TTC34: variants seen among roughly 807,000 people sequenced by gnomAD.
TTC34 encodes tetratricopeptide repeat protein 34.
A neutral mutation model predicts 40.7 loss-of-function variants in TTC34; 44 were observed. The observed-to-expected ratio is 1.08, with a 90% CI of 0.85 to 1.39. TTC34 has a LOEUF of 1.39. Among genes scored for constraint, TTC34 ranks in the 40% most tolerant of loss-of-function variants. TTC34 has a pLI of 0.00. For missense variants in TTC34, 884 were observed against 838.0 expected (o/e 1.05, Z -0.68); for synonymous variants, 422 against 398.6 (o/e 1.06, Z -0.70).
chr1:2,752,966 C>T (rs1405411762), intron 6 of TTC34, among the ~76,000 whole-genome samples: 8 of 127,824 alleles, frequency 6.3e-5, no homozygotes, highest in Non-Finnish European at 4.9e-5. Flanking sequence ...CCTGGAGCAA[C>T]ACCCATACCC....
intron 6 of TTC34, among the ~76,000 whole-genome samples, chr1:2,654,670 ACCGCAAGGAATGG>A (rs1639277170): frequency 6.7e-6 from 1 of 148,266 alleles, no homozygotes; most frequent in Non-Finnish European, 1.5e-5. Context: ...TGAGTATCTG[ACCGCAAGGAATGG>A]CATCCTCACC....
At chr1:2,651,702 T>A (rs1030906208) in intron 6 of TTC34, among the ~76,000 whole-genome samples, 6 of 151,586 alleles carry the variant, frequency 4.0e-5, no homozygotes, top group Non-Finnish European at 5.9e-5. Flanking sequence ...TCTGAAACCC[T>A]ACAGCACCAC....
At chr1:2,687,420 C>G (rs1312272919) in intron 6 of TTC34, among the ~76,000 whole-genome samples, 7 of 150,198 alleles carry the variant, frequency 4.7e-5, no homozygotes, top group East Asian at 1.9e-4. Flanking sequence ...AGGTGAGCAT[C>G]TGATGGTCTG....
chr1:2,685,787 CA>C (rs1640308936), intron 6 of TTC34, among the ~76,000 whole-genome samples: 8 of 64,434 alleles, frequency 1.2e-4, no homozygotes, highest in African/African-American at 4.5e-4. Context: ...CAGCCTGGAA[CA>C]GAACCCACAC....
intron 6 of TTC34, among the ~76,000 whole-genome samples, chr1:2,647,131 G>A (rs1381610809): frequency 2.6e-5 from 4 of 151,926 alleles, no homozygotes; most frequent in African/African-American, 9.7e-5. Context: ...CTTCTTAGGG[G>A]TGGTTCTCTT....
chr1:2,783,318 C>T (rs1354714757), intron 6 of TTC34, among the ~76,000 whole-genome samples: 1 of 152,234 alleles, frequency 6.6e-6, no homozygotes, highest in South Asian at 2.1e-4. Context: ...CCTGCATGCA[C>T]TGAGCATTAT....
At chr1:2,759,596 C>A (rs1191862090) in intron 6 of TTC34, among the ~76,000 whole-genome samples, 107 of 151,412 alleles carry the variant, frequency 7.1e-4, no homozygotes, top group African/African-American at 2.2e-3. Flanking sequence ...ACAGCACCCA[C>A]ACCGCCAGGC....
chr1:2,687,995 C>G (rs113588104), intron 6 of TTC34, among the ~76,000 whole-genome samples: 3 of 94,550 alleles, frequency 3.2e-5, no homozygotes, highest in Admixed American at 2.5e-4. Flanking sequence ...CAGCCTGGAA[C>G]AGGACCCACA....
chr1:2,778,335 A>G (rs1439555065), intron 6 of TTC34, among the ~76,000 whole-genome samples: 20 of 152,176 alleles, frequency 1.3e-4, no homozygotes, highest in Admixed American at 1.3e-3. Flanking sequence ...AAGTGCCCTC[A>G]TCTCTGGCAG....
rs79272086 is a variant in TTC34, at chr1:2,645,841, G to A, written c.2227-278C>T. Among the ~76,000 whole-genome samples the A allele has an allele frequency of 0.026, 3,901 of 152,206 alleles. 170 individuals carry two copies. The highest frequency in any genetic ancestry group is 0.089 in the African/African-American group (3,694 of 41,490). Reference sequence around the variant, plus strand: ...CAGAACCCCTTTTCTGAGGCCAAACGCTGCTAATTTCCATCTCCTGAGGCT... The same window carrying A: ...CAGAACCCCTTTTCTGAGGCCAAACACTGCTAATTTCCATCTCCTGAGGCT... On this transcript the variant is annotated intron_variant, in intron 6 of 8. Coordinates refer to ENST00000401095, the Ensembl canonical transcript of TTC34. This position sits in a 1 kb window ranked among gnomAD's most constrained non-coding sequence, Gnocchi z 4.7.
At chr1:2,642,503 T>C (rs1638927808) in intron 8 of TTC34, among the ~76,000 whole-genome samples, 2 of 152,116 alleles carry the variant, frequency 1.3e-5, no homozygotes, top group African/African-American at 2.4e-5. Context: ...CAGGCCTGCC[T>C]GCCCCCCCCA....
At chr1:2,638,675 C>T (rs1638837108) in exon 9 of TTC34, 1 of 152,284 alleles carries the variant, frequency 6.6e-6, no homozygotes, top group Non-Finnish European at 1.5e-5. Flanking sequence ...CCAGGCGGGA[C>T]ACCCAGGCCT....
intron 6 of TTC34, among the ~76,000 whole-genome samples, chr1:2,683,352 C>T (rs1280230880): frequency 6.8e-6 from 1 of 147,868 alleles, no homozygotes. Context: ...CACCCTGCAC[C>T]CCCAGGTGAG....
chr1:2,695,029 T>TTCCCCCCCAGGTGAGCATCTGACA (rs1640796350), intron 6 of TTC34, among the ~76,000 whole-genome samples: 2 of 149,870 alleles, frequency 1.3e-5, no homozygotes, highest in Non-Finnish European at 3.0e-5. Flanking sequence ...AACAGCACCC[T>TTCCCCCCCAGGTGAGCATCTGACA]GCACCCCCAG....
At chr1:2,688,342 A>C (rs1156351354) in intron 6 of TTC34, among the ~76,000 whole-genome samples, 1 of 135,670 alleles carries the variant, frequency 7.4e-6, no homozygotes, top group African/African-American at 3.1e-5. Context: ...CCAGGTGAGC[A>C]TCGGACAGCC....
At chr1:2,790,274 A>C (rs1224433738) in exon 3 of TTC34, 1 of 398,206 alleles carries the variant, frequency 2.5e-6, no homozygotes, top group Admixed American at 4.4e-5. Flanking sequence ...GTTCCAAAAC[A>C]CGTCCTGGGC....
intron 6 of TTC34, among the ~76,000 whole-genome samples, chr1:2,682,141 C>T (rs1640109749): frequency 1.3e-5 from 2 of 149,148 alleles, no homozygotes; most frequent in African/African-American, 4.9e-5. Flanking sequence ...GGAACAGCAC[C>T]CTGCACCCCC....
chr1:2,649,766 G>A (rs1279709430), intron 6 of TTC34, among the ~76,000 whole-genome samples: 2 of 152,078 alleles, frequency 1.3e-5, no homozygotes, highest in African/African-American at 4.8e-5. Context: ...CACCCACCTC[G>A]GCCTCCCAAA....
intron 6 of TTC34, among the ~76,000 whole-genome samples, chr1:2,656,375 C>T (rs1557589979): frequency 2.7e-3 from 4 of 1,498 alleles, no homozygotes; most frequent in Admixed American, 6.9e-3. Context: ...AGCACCCACA[C>T]CCACAGGTGA....
Sources: allele counts gnomAD v4.1 joint callset (sites outside exome capture counted in the v4.1 genomes callset), GRCh38; gene constraint gnomAD v4.1.1; non-coding constraint Gnocchi (gnomAD v3.1); transcripts MANE v1.5; gene names NCBI Gene and HGNC (gene_info 2026-07-23, HGNC 2026-07-21).